WNT5A: variants seen among roughly 807,000 people sequenced by gnomAD.
The protein encoded by WNT5A is Wnt family member 5A, also known as protein Wnt-5a.
In WNT5A, 9 loss-of-function variants were observed where a neutral mutation model predicts 42.1. The ratio of observed to expected loss-of-function variants is 0.21; its 90% confidence interval spans 0.13 to 0.37. The LOEUF is 0.37. Among genes scored for constraint, WNT5A ranks in the 10% least tolerant of loss-of-function variants. The pLI, the probability that WNT5A is intolerant of heterozygous loss-of-function variation, is 1.00. For missense variants in WNT5A, 426 were observed against 534.0 expected (o/e 0.80, Z 1.99); for synonymous variants, 210 against 210.0 (o/e 1.00, Z 0.00).
intron 4 of WNT5A, among the ~76,000 whole-genome samples, chr3:55,471,779 G>C (rs1338046270): frequency 6.6e-6 from 1 of 152,206 alleles, no homozygotes; most frequent in African/African-American, 2.4e-5. Flanking sequence ...CCTTGTGCCA[G>C]TGACCCTCCA....
chr3:55,486,411 G>C (rs1310362145), intron 1 of WNT5A, among the ~76,000 whole-genome samples: 1 of 152,224 alleles, frequency 6.6e-6, no homozygotes, highest in African/African-American at 2.4e-5. Flanking sequence ...TGAAGCGCTC[G>C]AGTTACTCGG....
At chr3:55,499,926 G>A in the WNT5A span, among the ~76,000 whole-genome samples, 2 of 150,708 alleles carry the variant, frequency 1.3e-5, no homozygotes, top group Non-Finnish European at 2.9e-5. Context: ...AGTGAGCCGA[G>A]ATAGAGCCAC....
At chr3:55,471,665 T>C (rs1285406502) in intron 4 of WNT5A, among the ~76,000 whole-genome samples, 2 of 152,242 alleles carry the variant, frequency 1.3e-5, no homozygotes, top group Non-Finnish European at 2.9e-5. Context: ...CCCAGTCACC[T>C]TGGGCCTCCC....
intron 1 of WNT5A, among the ~76,000 whole-genome samples, chr3:55,486,051 C>T (rs1022040873): frequency 6.6e-6 from 1 of 152,196 alleles, no homozygotes; most frequent in Non-Finnish European, 1.5e-5. Flanking sequence ...GAAACGTTAA[C>T]TTTTCGTAAA....
chr3:55,502,177 A>C, the WNT5A span, among the ~76,000 whole-genome samples: 1 of 152,186 alleles, frequency 6.6e-6, no homozygotes. Flanking sequence ...GAAGTACAGG[A>C]GATTTGGGAC....
the WNT5A span, among the ~76,000 whole-genome samples, chr3:55,500,236 G>A: frequency 0.096 from 14,635 of 152,162 alleles, 944 homozygotes; most frequent in Non-Finnish European, 0.14. Flanking sequence ...AAAATCAAGA[G>A]CTTGGGCTAA....
chr3:55,482,935 G>C (rs815541), intron 1 of WNT5A, among the ~76,000 whole-genome samples: 20,664 of 152,256 alleles, frequency 0.14, 1,645 homozygotes, highest in Non-Finnish European at 0.17. Context: ...TCACACGCGT[G>C]CATAGACACA....
chr3:55,479,278 T>G, intron 3 of WNT5A, 36 bp downstream of exon 3: 1 of 1,453,310 alleles, frequency 6.9e-7, no homozygotes, highest in South Asian at 1.6e-5. Flanking sequence ...GAAAAAAAGT[T>G]AATGTTTTAA....
upstream of WNT5A, among the ~76,000 whole-genome samples, chr3:55,492,576 T>G (rs996414759): frequency 2.0e-5 from 3 of 151,394 alleles, no homozygotes; most frequent in Non-Finnish European, 2.9e-5. Flanking sequence ...CTGAGGAGAG[T>G]AGAGGTAGGG....
In WNT5A at chr3:55,469,942, G is replaced by A. The variant is rs1011458629; in HGVS notation, c.*150C>T. 1.0e-5 allele frequency: 8 copies of A among 782,334 alleles called. No individual in the cohort carries two copies. Among genetic ancestry groups the A allele is most frequent in the Non-Finnish European group, 1.5e-5 (7 of 482,750 alleles). The allele number at this position is 782,334 out of a possible 1,614,324, so 48.5% of individuals were successfully genotyped here. A position where few individuals can be genotyped will look rare whatever the true frequency, so the allele number is the denominator to read the frequency against. ...TATAATATTAATAATAAACCACAGA[G>A]TTCTTAGATGGTAACAGGAAAAAAA... is the stretch of plus-strand genomic sequence containing the variant. On this transcript the variant is annotated 3_prime_UTR_variant, in exon 5 of 5. Transcript: ENST00000264634.
At chr3:55,501,037 GTTA>G in the WNT5A span, among the ~76,000 whole-genome samples, 1 of 152,210 alleles carries the variant, frequency 6.6e-6, no homozygotes, top group Non-Finnish European at 1.5e-5. Flanking sequence ...GTAGTTGGAA[GTTA>G]TTATTATTAT....
chr3:55,481,946 C>A (rs1393615753), intron 1 of WNT5A, among the ~76,000 whole-genome samples: 1 of 152,220 alleles, frequency 6.6e-6, no homozygotes, highest in Non-Finnish European at 1.5e-5. Context: ...AGATGGGAGG[C>A]CCAGAGAGAC....
rs577756571 is a variant in WNT5A, at chr3:55,483,233, G to C, written c.7-2315C>G. ...CTTGGGTCTCCCTGGCTCCAGGGTA[G>C]AGGTAGGCAGAGGGTGTCCCAAAGG... On this transcript the variant is annotated intron_variant, in intron 1 of 4. Coordinates refer to ENST00000264634, the MANE Select transcript of WNT5A (RefSeq NM_003392.7). This position sits in a 1 kb window ranked among gnomAD's most constrained non-coding sequence, Gnocchi z 4.2. Among the ~76,000 whole-genome samples the C allele has an allele frequency of 6.6e-6, 1 of 152,152 alleles. No individual in the cohort carries two copies. The highest frequency in any genetic ancestry group is 6.5e-5 in the Admixed American group (1 of 15,286).
At chr3:55,491,022 G>A (rs993697112), upstream of WNT5A, among the ~76,000 whole-genome samples, 5 of 152,256 alleles carry the variant, frequency 3.3e-5, no homozygotes, top group African/African-American at 7.2e-5. Flanking sequence ...CCTCATCTGC[G>A]GTTTTCATGG....
intron 4 of WNT5A, among the ~76,000 whole-genome samples, chr3:55,472,989 C>T (rs1478344001): frequency 6.6e-6 from 1 of 151,960 alleles, no homozygotes; most frequent in Admixed American, 6.6e-5. Context: ...ATTGTAATTG[C>T]CATGGCCATT....
chr3:55,485,816 A>T (rs1426005754), intron 1 of WNT5A, among the ~76,000 whole-genome samples: 1 of 152,128 alleles, frequency 6.6e-6, no homozygotes, highest in African/African-American at 2.4e-5. Flanking sequence ...AGAAAGTCAA[A>T]CAGGGCCGTG....
chr3:55,478,964 C>T lies in WNT5A; in HGVS notation c.391+350G>A, dbSNP rs192953581. On this transcript the variant is annotated intron_variant, in intron 3 of 4. Coordinates refer to ENST00000264634, the MANE Select transcript of WNT5A (RefSeq NM_003392.7). ...AAAAAACTAACAGGCAAGAGAGTTT[C>T]GACGTTTAAAAGCATATACATGACT... The T allele has an allele frequency of 3.2e-4, 52 of 164,270 alleles. No individual in the cohort carries two copies. In the East Asian group the frequency reaches 8.4e-3, roughly 27 times the overall value. 10.2% of individuals were successfully genotyped at this position (164,270 alleles called of 1,614,324 possible). A position where few individuals can be genotyped will look rare whatever the true frequency, so the allele number is the denominator to read the frequency against.
Position 55,480,793 on chromosome 3 carries a change from A to T in WNT5A, c.132T>A (p.Asn44Lys), listed in dbSNP as rs186124369. 7.7e-6 allele frequency: 12 copies of T among 1,563,002 alleles called. No homozygotes were observed. In the Admixed American group the frequency reaches 2.1e-4, roughly 28 times the overall value. The change falls in exon 2 of 5, where the codon AAT becomes AAA. Residue 44 changes from asparagine to lysine, a missense_variant. This residue lies in a region of WNT5A where 6 missense variants were observed against 16.9 expected (regional missense o/e 0.35). Transcript: ENST00000264634. ...ACATAGAATGAACTTACCACCAAGA[A>T]TTGGCTTCAATTACAACCTGGGCGA... ...FSFAQVVIEA[N>K]SWWSLGMNNP...
chr3:55,486,931 G>T, intron 1 of WNT5A, 49 bp downstream of exon 1: 3 of 1,475,952 alleles, frequency 2.0e-6, no homozygotes, highest in Non-Finnish European at 1.9e-6. Flanking sequence ...CTTCCAACAG[G>T]GGGTGGGGGG....
Sources: gnomAD v4.1 joint callset for allele counts (sites outside exome capture counted in the v4.1 genomes callset) on GRCh38, gnomAD v4.1.1 for gene constraint, gnomAD v4.1.1 regional missense constraint, Gnocchi (gnomAD v3.1) non-coding constraint, MANE v1.5 for transcripts, NCBI Gene and HGNC (gene_info 2026-07-23, HGNC 2026-07-21) for gene names.